MAP7D2: variants seen among roughly 807,000 people sequenced by gnomAD.
MAP7D2 encodes the protein MAP7 domain containing 2.
In MAP7D2, 33 loss-of-function variants were observed where a neutral mutation model predicts 63.5. The observed-to-expected ratio is 0.52, with a 90% CI of 0.39 to 0.70. The LOEUF (loss-of-function observed/expected upper bound fraction) is 0.70, where lower values mean the gene tolerates loss of function less well. Ranked by LOEUF, MAP7D2 falls within the 30% of genes least tolerant of loss-of-function variation. MAP7D2 has a pLI of 0.00. For missense variants in MAP7D2, 626 were observed against 604.0 expected, an observed-to-expected ratio of 1.04 and a Z score of -0.38; for synonymous variants, 224 against 223.7, an observed-to-expected ratio of 1.00 and a Z score of -0.01.
intron 15 of MAP7D2, 94 bp downstream of exon 15, chrX:20,012,255 T>C: frequency 1.2e-5 from 8 of 665,233 alleles, no homozygotes; most frequent in Non-Finnish European, 1.8e-5. Context: ...CTGCTTTAGG[T>C]GATTTGGTTG....
At position 20,008,013 on chromosome X, in the gene MAP7D2, G is replaced by A. The variant is rs766183458; in HGVS notation, c.*412C>T. 1 of 111,983 alleles carries A rather than the reference G, an allele frequency of 8.9e-6. No homozygotes were observed. The highest frequency in any genetic ancestry group is 3.7e-4 in the South Asian group (1 of 2,703). The allele number at this position is 111,983 out of a possible 1,213,427, so 9.2% of individuals were successfully genotyped here. On this transcript the variant is annotated 3_prime_UTR_variant, in exon 17 of 17. Transcript: ENST00000379643. ...GAGTATATGTTGAACTAGAGTTTGGGTAAATGTCTAGAATATTTTACAGGA... is the reference window on the plus strand; with the variant it reads ...GAGTATATGTTGAACTAGAGTTTGGATAAATGTCTAGAATATTTTACAGGA...
rs779366726 is a variant in MAP7D2 at position 20,088,468 on chromosome X, G to GTTTTTTTT, written c.131-23671_131-23664dup. On this transcript the variant is annotated intron_variant, in intron 1 of 16. Transcript: ENST00000379643. ...CCCCACCACACCCAGCTAATTTTCAGTTTTTTTTTTTTTTTTTTTTTTTTT... is the reference window on the plus strand; with the variant it reads ...CCCCACCACACCCAGCTAATTTTCAGTTTTTTTTTTTTTTTTTTTTTTTTTTTTTTTTT... 9.0e-4 allele frequency among the ~76,000 whole-genome samples: 37 copies of GTTTTTTTT among 41,072 alleles called. 8 individuals are homozygous for GTTTTTTTT. Among genetic ancestry groups the GTTTTTTTT allele is most frequent in the South Asian group, 6.1e-3 (2 of 328 alleles). The allele number at this position is 41,072 out of a possible 115,157, so 35.7% of individuals were successfully genotyped here. A position where few individuals can be genotyped will look rare whatever the true frequency, so the allele number is the denominator to read the frequency against.
chrX:20,039,773 G>C (rs944782830), intron 8 of MAP7D2, among the ~76,000 whole-genome samples: 1 of 110,727 alleles, frequency 9.0e-6, no homozygotes, highest in East Asian at 2.8e-4. Context: ...GGCCAAGGTG[G>C]GCGGATCACA....
At chrX:20,027,792 C>G (rs866886734) in intron 8 of MAP7D2, among the ~76,000 whole-genome samples, 952 of 73,783 alleles carry the variant, frequency 0.013, 19 homozygotes, top group African/African-American at 0.04. Flanking sequence ...GAGAGAGAGA[C>G]AGAGACAGAC....
At chrX:20,052,453 C>T (rs775544209) in intron 5 of MAP7D2, 3 of 261,092 alleles carry the variant, frequency 1.1e-5, no homozygotes, top group Non-Finnish European at 2.1e-5. Flanking sequence ...CTGCAGAACC[C>T]CATTTTTTCA....
chrX:20,069,673 T>C (rs2065448747), intron 1 of MAP7D2, among the ~76,000 whole-genome samples: 1 of 111,329 alleles, frequency 9.0e-6, no homozygotes, highest in African/African-American at 3.3e-5. Context: ...TCTGTCTTGA[T>C]TGTATCAGTG....
Position 20,007,174 on chromosome X carries a change from T to C in MAP7D2, c.*1251A>G. The stretch of plus-strand genomic sequence containing the variant: ...ACATATAATTTCTGTAACTAATACA[T>C]TCTTAAATGTAGCTGGCTGTAAAAG... On this transcript the variant is annotated 3_prime_UTR_variant, in exon 17 of 17. Transcript: ENST00000379643. The C allele has an allele frequency of 8.9e-6, 1 of 112,272 alleles. No homozygotes were observed. The highest frequency in any genetic ancestry group is 2.8e-4 in the East Asian group (1 of 3,590). 9.3% of individuals were successfully genotyped at this position (112,272 alleles called of 1,213,427 possible). A position where few individuals can be genotyped will look rare whatever the true frequency, so the allele number is the denominator to read the frequency against.
At position 20,007,043 on chromosome X, in the gene MAP7D2, G is replaced by A. The variant is rs2148102709; in HGVS notation, c.*1382C>T. The A allele has an allele frequency of 8.9e-6, 1 of 112,231 alleles. No homozygotes were observed. Among genetic ancestry groups the A allele is most frequent in the South Asian group, 3.7e-4 (1 of 2,736 alleles). 9.2% of individuals were successfully genotyped at this position (112,231 alleles called of 1,213,427 possible). ...TTTTCTGAAAGCCAGACCATGCTAT[G>A]GTTTCTGTGTGCCTGTCATAAAGGG... On this transcript the variant is annotated 3_prime_UTR_variant, in exon 17 of 17. Transcript: ENST00000379643.
intron 1 of MAP7D2, among the ~76,000 whole-genome samples, chrX:20,076,684 A>G (rs1328217881): frequency 2.7e-5 from 3 of 109,119 alleles, no homozygotes; most frequent in Non-Finnish European, 5.7e-5. Context: ...CTGGGCAACA[A>G]GAGCAAAACT....
intron 1 of MAP7D2, among the ~76,000 whole-genome samples, chrX:20,070,539 T>A (rs1198877866): frequency 1.8e-5 from 2 of 111,115 alleles, no homozygotes; most frequent in African/African-American, 6.5e-5. Context: ...CTAAAGGGGA[T>A]ACCCTCTCAG....
At chrX:20,072,955 C>A (rs1490127727) in intron 1 of MAP7D2, among the ~76,000 whole-genome samples, 1 of 111,181 alleles carries the variant, frequency 9.0e-6, no homozygotes, top group Admixed American at 9.6e-5. Context: ...CACAACATTG[C>A]GAATGTACAA....
chrX:20,116,188 G>A (rs1196395261), intron 1 of MAP7D2, among the ~76,000 whole-genome samples: 1 of 113,024 alleles, frequency 8.8e-6, no homozygotes, highest in East Asian at 2.8e-4. Flanking sequence ...GCGCATCCGG[G>A]CGGGAGGAGC....
At chrX:20,090,463 TA>T (rs773414887) in intron 1 of MAP7D2, among the ~76,000 whole-genome samples, 2 of 104,732 alleles carry the variant, frequency 1.9e-5, no homozygotes, top group Admixed American at 1.0e-4. Context: ...AAATGCAAGG[TA>T]AAACCAATGA....
intron 1 of MAP7D2, among the ~76,000 whole-genome samples, chrX:20,072,058 G>A (rs181611681): frequency 1.8e-5 from 2 of 111,663 alleles, no homozygotes; most frequent in African/African-American, 6.5e-5. Context: ...CTGAATCAAA[G>A]GGCCACGAAT....
intron 1 of MAP7D2, among the ~76,000 whole-genome samples, chrX:20,108,720 C>CAA (rs1367753312): frequency 2.2e-4 from 15 of 69,094 alleles, no homozygotes; most frequent in Admixed American, 2.0e-3. Flanking sequence ...TGGAAATTTA[C>CAA]AAAAAAAAAA....
Position 20,063,495 on chromosome X carries a change from T to G in MAP7D2, c.291A>C (p.Lys97Asn). 1 of 1,212,102 alleles carries G rather than the reference T, an allele frequency of 8.3e-7. No individual in the cohort carries two copies. The highest frequency in any genetic ancestry group is 1.1e-6 in the Non-Finnish European group (1 of 895,529). Residue 97 changes from lysine to asparagine, a missense_variant, in exon 3 of 17, where the codon AAA (lysine) becomes AAC (asparagine). Lys to Asn is a moderately conservative substitution (Grantham distance 94, BLOSUM62 0). Coordinates refer to ENST00000379643, the MANE Select transcript of MAP7D2 (RefSeq NM_001168465.2). Reference protein sequence around the residue: ...YEKQMEERWRKLEEQRQREDQ... With the variant: ...YEKQMEERWRNLEEQRQREDQ... Reference sequence around the variant, plus strand: ...CCTCCCGCTGCCGCTGCTCTTCCAGTTTTCGCCATCGCTCCTCCATTTGCT... The same window carrying G: ...CCTCCCGCTGCCGCTGCTCTTCCAGGTTTCGCCATCGCTCCTCCATTTGCT...
At chrX:20,070,261 CTTATTTATTTAT>C (rs34768588) in intron 1 of MAP7D2, among the ~76,000 whole-genome samples, 1,625 of 103,004 alleles carry the variant, frequency 0.016, 40 homozygotes, top group African/African-American at 0.055. Flanking sequence ...CAATTTTTTT[CTTATTTATTTAT>C]TTATTTATTT....
chrX:20,103,524 T>G (rs57330560), intron 1 of MAP7D2, among the ~76,000 whole-genome samples: 1 of 111,909 alleles, frequency 8.9e-6, no homozygotes, highest in Non-Finnish European at 1.9e-5. Flanking sequence ...TCAAAGCCTG[T>G]ACAGGAGAAA....
chrX:20,042,089 A>G (rs1344395897), intron 8 of MAP7D2, among the ~76,000 whole-genome samples: 1 of 111,130 alleles, frequency 9.0e-6, no homozygotes, highest in African/African-American at 3.3e-5. Context: ...AATACTGTTG[A>G]TCATGGCTGA....
Sources: gnomAD v4.1 joint callset for allele counts (sites outside exome capture counted in the v4.1 genomes callset) on GRCh38, gnomAD v4.1.1 for gene constraint, MANE v1.5 for transcripts, NCBI Gene and HGNC (gene_info 2026-07-23, HGNC 2026-07-21) for gene names.